Variants in CHD7 observed in about 807,000 individuals in gnomAD.
CHD7 encodes the protein chromodomain helicase DNA binding protein 7, also known as ATP-dependent chromatin remodeler CHD7.
In CHD7, 24 loss-of-function variants were observed where a neutral mutation model predicts 307.3. The ratio of observed to expected loss-of-function variants is 0.08; its 90% confidence interval spans 0.06 to 0.11. The LOEUF (loss-of-function observed/expected upper bound fraction) is 0.11, where lower values mean the gene tolerates loss of function less well. Among genes scored for constraint, CHD7 ranks in the 10% least tolerant of loss-of-function variants. The pLI, the probability that CHD7 is intolerant of heterozygous loss-of-function variation, is 1.00. For missense variants in CHD7, 3,106 were observed against 3,727.1 expected, an observed-to-expected ratio of 0.83 and a Z score of 4.34; for synonymous variants, 1,363 against 1,349.9, an observed-to-expected ratio of 1.01 and a Z score of -0.21.
chr8:60,682,243 T>G (rs1295315404), intron 1 of CHD7, among the ~76,000 whole-genome samples: 1 of 152,236 alleles, frequency 6.6e-6, no homozygotes, highest in Non-Finnish European at 1.5e-5. Context: ...TCCTAAACTT[T>G]TTTCATAATG....
chr8:60,848,993 A>G, intron 24 of CHD7, 58 bp from the exon 25 acceptor site: 1 of 1,331,586 alleles, frequency 7.5e-7, no homozygotes. Context: ...TATGTATCAC[A>G]TTCATTACTT....
rs777431660 is a variant in CHD7, at chr8:60,822,696, G to A, written c.3151G>A (p.Ala1051Thr). The change falls in exon 12 of 38, where the codon GCT (alanine) becomes ACT (threonine). Residue 1051 changes from alanine (A) to threonine (T), a missense_variant. Coordinates refer to ENST00000423902, the MANE Select transcript of CHD7 (RefSeq NM_017780.4). The stretch of plus-strand genomic sequence containing the variant: ...CGTGGTTGTGTATCATGGGAGTCAA[G>A]CTAGTCGTCGGACCATTCAGTTGTA... ...LNVVVYHGSQ[A>T]SRRTIQLYEM... The A allele has an allele frequency of 6.2e-7, 1 of 1,613,710 alleles. No homozygotes were observed. The highest frequency in any genetic ancestry group is 8.5e-7 in the Non-Finnish European group (1 of 1,179,680).
At chr8:60,774,411 G>T (rs190411270) in intron 2 of CHD7, among the ~76,000 whole-genome samples, 78 of 152,334 alleles carry the variant, frequency 5.1e-4, no homozygotes, top group African/African-American at 1.8e-3. Context: ...GATGATTAAA[G>T]GAAACATTCA....
At chr8:60,730,599 G>T (rs551021946) in intron 1 of CHD7, among the ~76,000 whole-genome samples, 1 of 152,166 alleles carries the variant, frequency 6.6e-6, no homozygotes, top group Non-Finnish European at 1.5e-5. Flanking sequence ...GGTGGCTCAC[G>T]CCTGTAATCC....
chr8:60,837,967 T>TTG (rs1224988386), intron 18 of CHD7, 109 bp from the exon 19 acceptor site: 12 of 1,253,748 alleles, frequency 9.6e-6, no homozygotes, highest in African/African-American at 1.5e-5. Flanking sequence ...ACACTTTCCT[T>TTG]TGTTATAATT....
Position 60,741,649 on chromosome 8 carries a change from A to T in CHD7, c.217A>T (p.Asn73Tyr). Residue 73 changes from asparagine (N) to tyrosine (Y), a missense_variant, in exon 2 of 38, where the codon AAT becomes TAT. Around this residue, in one of 10 missense-constraint regions of CHD7, gnomAD observed 998 missense variants for 1,004.5 expected, o/e 0.99. Transcript: ENST00000423902. ...AAAGCTGACACATTTTGATCACTAT[A>T]ATCAGTATGAACAACAAAAGATGCA... The part of the protein sequence containing the change: ...QTKLTHFDHY[N>Y]QYEQQKMHLM... 2 of 1,613,856 alleles carry T rather than the reference A, an allele frequency of 1.2e-6. No homozygotes were observed. Among genetic ancestry groups the T allele is most frequent in the Non-Finnish European group, 1.7e-6 (2 of 1,179,814 alleles).
At chr8:60,785,108 GTGCA>G (rs1811435336) in intron 3 of CHD7, among the ~76,000 whole-genome samples, 1 of 152,156 alleles carries the variant, frequency 6.6e-6, no homozygotes, top group Non-Finnish European at 1.5e-5. Context: ...ATTTTCTGTT[GTGCA>G]TGCATGTGCC....
At chr8:60,719,836 G>T (rs141407420) in intron 1 of CHD7, among the ~76,000 whole-genome samples, 1 of 152,188 alleles carries the variant, frequency 6.6e-6, no homozygotes, top group African/African-American at 2.4e-5. Flanking sequence ...AGGGTTATCA[G>T]CTAGCAGAAC....
chr8:60,859,842 A>G (rs916342064), intron 34 of CHD7, among the ~76,000 whole-genome samples: 20 of 152,170 alleles, frequency 1.3e-4, no homozygotes, highest in Non-Finnish European at 2.4e-4. Context: ...CCTGGAGGTA[A>G]TAGGGATGCA....
chr8:60,837,551 T>C, intron 17 of CHD7, 117 bp from the exon 18 acceptor site: 1 of 886,004 alleles, frequency 1.1e-6, no homozygotes, highest in Non-Finnish European at 1.7e-6. Flanking sequence ...ATTACTTCCC[T>C]AAGGCGCCAC....
chr8:60,761,776 G>A (rs1810220382), intron 2 of CHD7, among the ~76,000 whole-genome samples: 1 of 151,948 alleles, frequency 6.6e-6, no homozygotes, highest in South Asian at 2.1e-4. Context: ...ACCAGACCCT[G>A]CCCTTCCTGT....
At chr8:60,685,872 T>C (rs1805858848) in intron 1 of CHD7, among the ~76,000 whole-genome samples, 1 of 152,194 alleles carries the variant, frequency 6.6e-6, no homozygotes, top group Admixed American at 6.5e-5. Context: ...GACAGTAATT[T>C]TGGAGCTTTT....
chr8:60,842,820 G>A (rs1343983153), intron 21 of CHD7, among the ~76,000 whole-genome samples: 1 of 152,198 alleles, frequency 6.6e-6, no homozygotes, highest in Non-Finnish European at 1.5e-5. Context: ...GGCATCCAGA[G>A]CTCTTCTGGG....
At chr8:60,795,920 T>C (rs1812007240) in intron 4 of CHD7, among the ~76,000 whole-genome samples, 1 of 152,014 alleles carries the variant, frequency 6.6e-6, no homozygotes. Context: ...TACTGAAGAG[T>C]TGTCCTGGAG....
intron 1 of CHD7, among the ~76,000 whole-genome samples, chr8:60,737,785 T>C (rs991697426): frequency 3.3e-5 from 5 of 152,192 alleles, no homozygotes; most frequent in Non-Finnish European, 5.9e-5. Flanking sequence ...TACCGAGGAG[T>C]ATTTTGTAAA....
intron 13 of CHD7, chr8:60,824,333 C>T (rs1468957138): frequency 5.2e-6 from 2 of 387,032 alleles, no homozygotes; most frequent in Non-Finnish European, 9.1e-6. Context: ...TCCCAGAATC[C>T]AAAACGTTTT....
In CHD7 at chr8:60,856,137, T is replaced by A; in HGVS notation, c.7099T>A (p.Ser2367Thr). The part of the protein sequence containing the change: ...PLQKRSFAEL[S>T]MVGQASISGS... ...GCAGAAGAGGAGCTTTGCTGAGCTC[T>A]CCATGGTCGGCCAAGCCAGCATTAG... Residue 2367 changes from serine to threonine, a missense_variant, in exon 33 of 38, where the codon TCC (serine) becomes ACC (threonine). By Grantham distance (58) the Ser-to-Thr change is moderately conservative. Transcript: ENST00000423902. 6.2e-7 allele frequency: 1 copy of A among 1,609,088 alleles called. No homozygotes were observed. Among genetic ancestry groups the A allele is most frequent in the East Asian group, 2.2e-5 (1 of 44,746 alleles).
chr8:60,751,824 A>G (rs1379418887), intron 2 of CHD7, among the ~76,000 whole-genome samples: 1 of 152,200 alleles, frequency 6.6e-6, no homozygotes, highest in Admixed American at 6.5e-5. Context: ...AGTTGGCAAA[A>G]TGCCAAGAAA....
chr8:60,864,670 C>T, intron 37 of CHD7: 1 of 266,920 alleles, frequency 3.7e-6, no homozygotes, highest in Non-Finnish European at 7.3e-6. Flanking sequence ...TGTAGTCACC[C>T]TGTTGTGTTA....
Sources: gnomAD v4.1 joint callset for allele counts (sites outside exome capture counted in the v4.1 genomes callset) on GRCh38, gnomAD v4.1.1 for gene constraint, gnomAD v4.1.1 regional missense constraint, MANE v1.5 for transcripts, NCBI Gene and HGNC (gene_info 2026-07-23, HGNC 2026-07-21) for gene names.